The following ADAMTS19 variants were observed in gnomAD, a reference collection of about 807,000 sequenced individuals.
The protein encoded by ADAMTS19 is A disintegrin and metalloproteinase with thrombospondin motifs 19.
ADAMTS19 carries 93 observed loss-of-function variants against 153.3 expected under a neutral mutation model. That is an observed-to-expected ratio of 0.61 (90% CI 0.51 to 0.72). The LOEUF is 0.72. ADAMTS19 is among the 30% of genes least tolerant of loss of function. The probability of loss-of-function intolerance (pLI) is 0.00; values close to 1 mark genes in which losing one functional copy is unlikely to be tolerated. For synonymous variants in ADAMTS19, 600 were observed against 556.6 expected (o/e 1.08, Z -1.10); for missense variants, 1,482 against 1,552.1 (o/e 0.95, Z 0.76).
intron 10 of ADAMTS19, among the ~76,000 whole-genome samples, chr5:129,628,122 T>C (rs969963120): frequency 1.7e-4 from 26 of 151,970 alleles, no homozygotes; most frequent in Admixed American, 1.5e-3. Context: ...TATGCAGCAA[T>C]AAAAAAGAAT....
At chr5:129,565,413 G>A (rs1406122748) in intron 7 of ADAMTS19, among the ~76,000 whole-genome samples, 1 of 152,102 alleles carries the variant, frequency 6.6e-6, no homozygotes, top group Non-Finnish European at 1.5e-5. Context: ...ATACTTTGAA[G>A]ATAATATGAA....
intron 2 of ADAMTS19, among the ~76,000 whole-genome samples, chr5:129,489,833 C>T (rs993304374): frequency 6.6e-6 from 1 of 152,034 alleles, no homozygotes; most frequent in Non-Finnish European, 1.5e-5. Flanking sequence ...TCAGTTTATT[C>T]CTATTAAGAA....
intron 15 of ADAMTS19, 132 bp from the exon 16 acceptor site, chr5:129,665,367 A>T (rs1330267416): frequency 5.1e-6 from 3 of 593,906 alleles, no homozygotes; most frequent in Non-Finnish European, 5.5e-6. Flanking sequence ...ATATATAAAA[A>T]TTTTTCTTTA....
At chr5:129,472,897 C>A (rs1750113710) in intron 2 of ADAMTS19, among the ~76,000 whole-genome samples, 1 of 151,316 alleles carries the variant, frequency 6.6e-6, no homozygotes, top group Admixed American at 6.6e-5. Context: ...AAGGGACCAA[C>A]CATACTACCA....
At chr5:129,624,301 C>A (rs1277068463) in intron 10 of ADAMTS19, among the ~76,000 whole-genome samples, 1 of 152,022 alleles carries the variant, frequency 6.6e-6, no homozygotes, top group African/African-American at 2.4e-5. Flanking sequence ...TAAGGTCTGT[C>A]TCCGGTACCT....
At chr5:129,658,401 A>C (rs1436913280) in intron 14 of ADAMTS19, among the ~76,000 whole-genome samples, 1 of 150,934 alleles carries the variant, frequency 6.6e-6, no homozygotes, top group Non-Finnish European at 1.5e-5. Context: ...TAGGTAGGTT[A>C]TCTCTCATCA....
At chr5:129,539,155 C>T (rs942176290) in intron 6 of ADAMTS19, among the ~76,000 whole-genome samples, 2 of 151,970 alleles carry the variant, frequency 1.3e-5, no homozygotes, top group Non-Finnish European at 2.9e-5. Context: ...TCTCCAGAAC[C>T]AGTGAATATG....
At chr5:129,475,702 G>C (rs1750202457) in intron 2 of ADAMTS19, among the ~76,000 whole-genome samples, 1 of 152,088 alleles carries the variant, frequency 6.6e-6, no homozygotes, top group African/African-American at 2.4e-5. Flanking sequence ...GCAGGGTGGT[G>C]GGCACCTGTA....
chr5:129,507,661 CGT>C (rs71749669), intron 2 of ADAMTS19, among the ~76,000 whole-genome samples: 3,244 of 141,820 alleles, frequency 0.023, 98 homozygotes, highest in African/African-American at 0.074. Context: ...TGCCTGTGTA[CGT>C]GTGTGTGTGT....
At chr5:129,720,168 A>ATT (rs1554110320) in intron 21 of ADAMTS19, among the ~76,000 whole-genome samples, 4,885 of 128,092 alleles carry the variant, frequency 0.038, 99 homozygotes, top group East Asian at 0.11. Flanking sequence ...ATATATATAT[A>ATT]TATTTATTTT....
At chr5:129,583,685 C>T (rs1199112068) in intron 7 of ADAMTS19, among the ~76,000 whole-genome samples, 1 of 151,590 alleles carries the variant, frequency 6.6e-6, no homozygotes, top group Non-Finnish European at 1.5e-5. Flanking sequence ...GATATCCTTT[C>T]TTCTGCTTGA....
intron 2 of ADAMTS19, among the ~76,000 whole-genome samples, chr5:129,508,457 A>G (rs574340790): frequency 6.6e-6 from 1 of 152,136 alleles, no homozygotes; most frequent in East Asian, 1.9e-4. Context: ...ACTGTATTAT[A>G]CAGTTTCAAC....
chr5:129,584,897 G>A (rs959897207), intron 7 of ADAMTS19, among the ~76,000 whole-genome samples: 1 of 152,114 alleles, frequency 6.6e-6, no homozygotes, highest in African/African-American at 2.4e-5. Context: ...CCCTTTCCAG[G>A]GAGTGATTCG....
intron 16 of ADAMTS19, among the ~76,000 whole-genome samples, chr5:129,666,382 T>C (rs1310865143): frequency 6.6e-6 from 1 of 152,066 alleles, no homozygotes; most frequent in Non-Finnish European, 1.5e-5. Flanking sequence ...TGTATTATCT[T>C]TACATACACA....
intron 16 of ADAMTS19, among the ~76,000 whole-genome samples, chr5:129,666,499 A>G (rs770464418): frequency 5.3e-5 from 8 of 152,258 alleles, no homozygotes; most frequent in Non-Finnish European, 1.0e-4. Flanking sequence ...TATAGAAACA[A>G]CTCAGCTTAC....
At chr5:129,646,038 G>A (rs182294094) in intron 11 of ADAMTS19, among the ~76,000 whole-genome samples, 3,786 of 149,144 alleles carry the variant, frequency 0.025, 157 homozygotes, top group African/African-American at 0.088. Flanking sequence ...ACAGGCGCCC[G>A]CCACTACGCC....
intron 21 of ADAMTS19, among the ~76,000 whole-genome samples, chr5:129,717,465 A>G (rs899383793): frequency 1.3e-5 from 2 of 152,212 alleles, no homozygotes; most frequent in Non-Finnish European, 2.9e-5. Context: ...TAATTTTCGT[A>G]GTCATACAAC....
chr5:129,702,952 A>G (rs1373500435), intron 20 of ADAMTS19, among the ~76,000 whole-genome samples: 1 of 128,212 alleles, frequency 7.8e-6, no homozygotes, highest in Admixed American at 7.8e-5. Flanking sequence ...ATATATATAT[A>G]TATATATATA....
chr5:129,720,866 T>A (rs951783282), intron 21 of ADAMTS19, among the ~76,000 whole-genome samples: 1 of 152,196 alleles, frequency 6.6e-6, no homozygotes, highest in Non-Finnish European at 1.5e-5. Flanking sequence ...TAGTCTTTGG[T>A]GAATTTGGCA....
Sources: gnomAD v4.1 joint callset for allele counts (sites outside exome capture counted in the v4.1 genomes callset) on GRCh38, gnomAD v4.1.1 for gene constraint, MANE v1.5 for transcripts, NCBI Gene and HGNC (gene_info 2026-07-23, HGNC 2026-07-21) for gene names.